The following NDFIP2 variants were observed in gnomAD, a reference collection of about 807,000 sequenced individuals.
The protein encoded by NDFIP2 is Nedd4 family interacting protein 2, also known as NEDD4 family-interacting protein 2.
In NDFIP2, 19 loss-of-function variants were observed where a neutral mutation model predicts 36.0. The observed-to-expected ratio is 0.53, with a 90% CI of 0.37 to 0.77. NDFIP2 has a LOEUF of 0.77. NDFIP2 is among the 30% of genes least tolerant of loss of function. The pLI, the probability that NDFIP2 is intolerant of heterozygous loss-of-function variation, is 0.00. For missense variants in NDFIP2, 446 were observed against 435.8 expected, an observed-to-expected ratio of 1.02 and a Z score of -0.21; for synonymous variants, 181 against 167.7, an observed-to-expected ratio of 1.08 and a Z score of -0.61.
chr13:79,504,824 T>C (rs1306796115), intron 1 of NDFIP2, among the ~76,000 whole-genome samples: 3 of 152,216 alleles, frequency 2.0e-5, no homozygotes, highest in East Asian at 1.9e-4. Flanking sequence ...TGTTTATTAA[T>C]TAGAATTCTG....
intron 3 of NDFIP2, 129 bp downstream of exon 3, chr13:79,533,585 A>G (rs899138006): frequency 2.0e-5 from 14 of 696,820 alleles, no homozygotes; most frequent in Non-Finnish European, 2.9e-5. Context: ...TATGGGTTTA[A>G]ACTGCACAGG....
chr13:79,534,350 GTTTTTTTTTTTT>G (rs532659161), intron 3 of NDFIP2, among the ~76,000 whole-genome samples: 4 of 95,406 alleles, frequency 4.2e-5, no homozygotes, highest in Admixed American at 1.3e-4. Context: ...TTTGTCAGCT[GTTTTTTTTTTTT>G]TTTTTTTTTT....
Position 79,520,850 on chromosome 13 carries a change from A to G in NDFIP2, c.362A>G (p.Glu121Gly), listed in dbSNP as rs144950614. The G allele has an allele frequency of 1.6e-5, 26 of 1,614,002 alleles. No individual in the cohort carries two copies. Among genetic ancestry groups the G allele is most frequent in the Non-Finnish European group, 2.2e-5 (26 of 1,179,916 alleles). The change falls in exon 2 of 8, where the codon GAG (glutamate) becomes GGG (glycine). Residue 121 changes from glutamate (E) to glycine (G), a missense_variant. Physicochemically the swap from Glu to Gly is moderately conservative, Grantham distance 98 (BLOSUM62 -2). This residue lies in a region of NDFIP2 where 369 missense variants were observed against 304.8 expected (regional missense o/e 1.21). Transcript: ENST00000218652. ...EEDNSESSAI[E>G]QPPTSNPAPQ... The stretch of plus-strand genomic sequence containing the variant: ...GATAACTCAGAATCATCGGCTATAG[A>G]GCAGCCACCTACTTCAAACCCAGCA...
intron 5 of NDFIP2, among the ~76,000 whole-genome samples, chr13:79,545,077 A>G (rs1334098716): frequency 1.3e-5 from 2 of 152,172 alleles, no homozygotes; most frequent in African/African-American, 2.4e-5. Flanking sequence ...AATTATTATT[A>G]AAAAAACCTC....
At chr13:79,497,664 T>TG (rs1481157927) in intron 1 of NDFIP2, among the ~76,000 whole-genome samples, 5 of 148,702 alleles carry the variant, frequency 3.4e-5, no homozygotes, top group African/African-American at 4.9e-5. Context: ...TTCTGAGTTT[T>TG]TTTTTTTTTT....
At chr13:79,513,696 A>T (rs1017095266) in intron 1 of NDFIP2, among the ~76,000 whole-genome samples, 1 of 150,154 alleles carries the variant, frequency 6.7e-6, no homozygotes, top group African/African-American at 2.4e-5. Context: ...CCTCTCCTTT[A>T]TGTTAGTTTT....
At chr13:79,536,035 TAGTC>T (rs1015871900) in intron 3 of NDFIP2, among the ~76,000 whole-genome samples, 1 of 150,808 alleles carries the variant, frequency 6.6e-6, no homozygotes, top group Non-Finnish European at 1.5e-5. Context: ...AGAATATAGA[TAGTC>T]AAGAGACTTT....
At chr13:79,543,413 C>G in intron 4 of NDFIP2, 145 bp from the exon 5 acceptor site, 1 of 1,003,488 alleles carries the variant, frequency 1.0e-6, no homozygotes, top group Non-Finnish European at 1.5e-6. Flanking sequence ...AAAAAGTAGG[C>G]TATAGTCTAT....
chr13:79,527,037 T>C (rs1277365702), intron 2 of NDFIP2, among the ~76,000 whole-genome samples: 1 of 152,202 alleles, frequency 6.6e-6, no homozygotes, highest in Non-Finnish European at 1.5e-5. Flanking sequence ...TGATTTTGGC[T>C]ATTTGAAGAT....
rs529909045 is a variant in NDFIP2 at position 79,554,401 on chromosome 13, C to T, written c.*1888C>T. On this transcript the variant is annotated 3_prime_UTR_variant, in exon 8 of 8. Transcript: ENST00000218652. Reference sequence around the variant, plus strand: ...TTGCTACATGGTAATTAAATAATTACTAGGAAGCTTAGCTATCAAACATCG... The same window carrying T: ...TTGCTACATGGTAATTAAATAATTATTAGGAAGCTTAGCTATCAAACATCG... The T allele has an allele frequency of 9.9e-5, 15 of 151,766 alleles. No individual in the cohort carries two copies. Among genetic ancestry groups the T allele is most frequent in the African/African-American group, 3.6e-4 (15 of 41,456 alleles). The allele number at this position is 151,766 out of a possible 1,614,324, so 9.4% of individuals were successfully genotyped here. A position where few individuals can be genotyped will look rare whatever the true frequency, so the allele number is the denominator to read the frequency against.
At chr13:79,528,602 G>A (rs2045279090) in intron 2 of NDFIP2, among the ~76,000 whole-genome samples, 1 of 152,146 alleles carries the variant, frequency 6.6e-6, no homozygotes, top group South Asian at 2.1e-4. Flanking sequence ...TCTGTTCATT[G>A]TAGGTGCCCT....
intron 1 of NDFIP2, among the ~76,000 whole-genome samples, chr13:79,487,306 G>A (rs1002530972): frequency 1.3e-5 from 2 of 152,064 alleles, no homozygotes; most frequent in South Asian, 4.1e-4. Flanking sequence ...CTTTCATTCA[G>A]CATGAAGTTT....
In NDFIP2 at chr13:79,504,114, A is replaced by G. The variant is rs150257018; in HGVS notation, c.322-16696A>G. On this transcript the variant is annotated intron_variant, in intron 1 of 7. Transcript: ENST00000218652. ...ATATAGGGGTTCTAGAGATAGAGGG[A>G]AAATTTTTAGATACTGAATTGTAAA... Among the ~76,000 whole-genome samples the G allele has an allele frequency of 4.3e-3, 656 of 152,272 alleles. 13 individuals carry two copies. The highest frequency in any genetic ancestry group is 0.021 in the East Asian group (107 of 5,184).
chr13:79,482,169 CTTTT>C (rs10558361), intron 1 of NDFIP2, among the ~76,000 whole-genome samples: 1,389 of 75,822 alleles, frequency 0.018, 40 homozygotes, highest in African/African-American at 0.064. Flanking sequence ...TTCTTTCTTT[CTTTT>C]TTTTTTTTTT....
At chr13:79,548,150 C>A in intron 5 of NDFIP2, among the ~76,000 whole-genome samples, 178 bp from the exon 6 acceptor site, 1 of 151,718 alleles carries the variant, frequency 6.6e-6, no homozygotes, top group East Asian at 1.9e-4. Context: ...ATGATTTTTT[C>A]TCAAATAATT....
At chr13:79,495,870 AGATTAC>A (rs1363448112) in intron 1 of NDFIP2, among the ~76,000 whole-genome samples, 2 of 151,764 alleles carry the variant, frequency 1.3e-5, no homozygotes, top group African/African-American at 2.4e-5. Context: ...GTTTGCTCTT[AGATTAC>A]AAGAAAGTGT....
chr13:79,546,534 G>T (rs1273447460), intron 5 of NDFIP2, among the ~76,000 whole-genome samples: 3 of 152,044 alleles, frequency 2.0e-5, no homozygotes, highest in African/African-American at 2.4e-5. Context: ...AACATGATTG[G>T]TTTACTTATA....
chr13:79,486,950 G>A (rs957194394), intron 1 of NDFIP2, among the ~76,000 whole-genome samples: 5 of 152,066 alleles, frequency 3.3e-5, no homozygotes, highest in African/African-American at 1.2e-4. Flanking sequence ...GTGTAAGTAC[G>A]CTCTCTGATG....
intron 5 of NDFIP2, among the ~76,000 whole-genome samples, chr13:79,545,347 T>G (rs564971757): frequency 6.6e-6 from 1 of 152,332 alleles, no homozygotes; most frequent in African/African-American, 2.4e-5. Context: ...GGGATTAGAT[T>G]ATCTAGTTAT....
Sources: gnomAD v4.1 joint callset for allele counts (sites outside exome capture counted in the v4.1 genomes callset) on GRCh38, gnomAD v4.1.1 for gene constraint, gnomAD v4.1.1 regional missense constraint, MANE v1.5 for transcripts, NCBI Gene and HGNC (gene_info 2026-07-23, HGNC 2026-07-21) for gene names.